PLBD2: variants seen among roughly 807,000 people sequenced by gnomAD.
The protein encoded by PLBD2 is phospholipase B domain containing 2, also known as putative aminopeptidase PLBD2.
Under a neutral mutation model 68.3 loss-of-function variants are expected in PLBD2, and 51 were observed. The ratio of observed to expected loss-of-function variants is 0.75; its 90% CI spans 0.60 to 0.94. The LOEUF (loss-of-function observed/expected upper bound fraction) is 0.94, where lower values mean the gene tolerates loss of function less well. Ranked by LOEUF, PLBD2 falls within the 40% of genes least tolerant of loss-of-function variation. PLBD2 has a pLI of 0.00. For synonymous variants in PLBD2, 314 were observed against 339.3 expected (o/e 0.93, Z 0.82); for missense variants, 729 against 792.2 (o/e 0.92, Z 0.96).
chr12:113,382,906 C>G (rs1957510029), intron 6 of PLBD2, among the ~76,000 whole-genome samples: 1 of 122,638 alleles, frequency 8.2e-6, no homozygotes, highest in African/African-American at 3.1e-5. Context: ...GGCTCTCTCT[C>G]TGTTGCCCAG....
chr12:113,360,817 G>A (rs919612392), intron 1 of PLBD2, among the ~76,000 whole-genome samples: 2 of 152,052 alleles, frequency 1.3e-5, no homozygotes, highest in Admixed American at 6.6e-5. Context: ...CACCATGCCC[G>A]GCTAATTTTT....
rs1957611068 is a variant in PLBD2, at chr12:113,391,615, G to A, written c.*2989G>A. On this transcript the variant is annotated 3_prime_UTR_variant, in exon 12 of 12. Coordinates refer to ENST00000280800, the MANE Select transcript of PLBD2 (RefSeq NM_173542.4). ...AGAAAATAAAGCAAGGTTGGGGTCT[G>A]GGGTTGGGAATTGACTTGTGGTTTT... The A allele has an allele frequency of 6.6e-6, 1 of 152,202 alleles. No individual in the cohort carries two copies. The highest frequency in any genetic ancestry group is 6.5e-5 in the Admixed American group (1 of 15,276). The allele number at this position is 152,202 out of a possible 1,614,324, so 9.4% of individuals were successfully genotyped here.
chr12:113,385,750 G>T (rs143607465), intron 9 of PLBD2, among the ~76,000 whole-genome samples: 1 of 152,116 alleles, frequency 6.6e-6, no homozygotes, highest in Non-Finnish European at 1.5e-5. Flanking sequence ...GGCAGGATTT[G>T]TTTTTTGTTT....
At position 113,364,320 on chromosome 12, in the gene PLBD2, A is replaced by C. The variant is rs1004754812; in HGVS notation, c.291-4796A>C. ...TTACTACTGGGGCTCGCGGCTGCAC[A>C]GCTTTTTTGGTTTTACGCAGTTTGT... On this transcript the variant is annotated intron_variant, in intron 1 of 11. Coordinates refer to ENST00000280800, the MANE Select transcript of PLBD2 (RefSeq NM_173542.4). Among the ~76,000 whole-genome samples, 13 of 152,156 alleles carry C rather than the reference A, an allele frequency of 8.5e-5. No homozygotes were observed. The South Asian group carries it at 1.0e-3, about 12-fold the overall frequency.
rs1957255600 is a variant in PLBD2 at position 113,358,642 on chromosome 12, C to G, written c.42C>G (p.Ala14=). Residue 14 remains alanine, a synonymous_variant, in exon 1 of 12, where the codon GCC becomes GCG. Coordinates refer to ENST00000280800, the MANE Select transcript of PLBD2 (RefSeq NM_173542.4). ...ACTGCTACCCCGGCAGCCACCTGGC[C>G]CGGGCGCTGACGCGGGCGCTGGCGC... ...QMYCYPGSHL[A]RALTRALALA... The G allele has an allele frequency of 6.8e-7, 1 of 1,464,388 alleles. No homozygotes were observed. The highest frequency in any genetic ancestry group is 1.5e-5 in the African/African-American group (1 of 67,704). 90.7% of individuals were successfully genotyped at this position (1,464,388 alleles called of 1,614,324 possible).
chr12:113,366,213 G>A (rs1449491265), intron 1 of PLBD2, among the ~76,000 whole-genome samples: 1 of 152,080 alleles, frequency 6.6e-6, no homozygotes, highest in East Asian at 1.9e-4. Flanking sequence ...AGACAGCCCT[G>A]GCCAAGCCTG....
chr12:113,372,845 C>T lies in PLBD2; in HGVS notation c.543+38C>T. The T allele has an allele frequency of 6.3e-7, 1 of 1,597,090 alleles. No homozygotes were observed. Reference sequence around the variant, plus strand: ...GCCACGCTTGGTGGGAGGGGGCTTCCAGCTGGCCAGCCATCCTGTCTCCTG... The same window carrying T: ...GCCACGCTTGGTGGGAGGGGGCTTCTAGCTGGCCAGCCATCCTGTCTCCTG... On this transcript the variant is annotated intron_variant, in intron 3 of 11. Coordinates refer to ENST00000280800, the MANE Select transcript of PLBD2 (RefSeq NM_173542.4). The surrounding 1 kb of genome is among the most constrained non-coding windows in gnomAD (Gnocchi z 4.2).
intron 1 of PLBD2, among the ~76,000 whole-genome samples, chr12:113,360,893 T>C (rs1957286562): frequency 6.6e-6 from 1 of 152,196 alleles, no homozygotes; most frequent in South Asian, 2.1e-4. Context: ...TGACTTCAGG[T>C]GATCTGCCCA....
At chr12:113,382,881 T>G (rs1286049684) in intron 6 of PLBD2, among the ~76,000 whole-genome samples, 50 of 141,682 alleles carry the variant, frequency 3.5e-4, no homozygotes, top group African/African-American at 1.3e-3. Flanking sequence ...TTTTTTTTTT[T>G]TTTTTTTTTA....
At chr12:113,364,882 C>T (rs756109572) in intron 1 of PLBD2, among the ~76,000 whole-genome samples, 1 of 152,106 alleles carries the variant, frequency 6.6e-6, no homozygotes, top group African/African-American at 2.4e-5. Context: ...ATGAGAAAAC[C>T]GAGGCCCCGA....
At position 113,361,705 on chromosome 12, in the gene PLBD2, A is replaced by G. The variant is rs1478153741; in HGVS notation, c.290+2815A>G. On this transcript the variant is annotated intron_variant, in intron 1 of 11. Coordinates refer to ENST00000280800, the MANE Select transcript of PLBD2 (RefSeq NM_173542.4). ...GCCAACACCCCCACACAGCCTGGAA[A>G]CATTTATGATTTGGTGCTTGGAGAT... Among the ~76,000 whole-genome samples the G allele has an allele frequency of 2.6e-5, 4 of 152,008 alleles. No homozygotes were observed. The South Asian group carries it at 6.2e-4, about 24-fold the overall frequency.
Position 113,359,682 on chromosome 12 carries a change from T to C in PLBD2, c.290+792T>C, listed in dbSNP as rs567739295. Among the ~76,000 whole-genome samples, 3 of 152,366 alleles carry C rather than the reference T, an allele frequency of 2.0e-5. No individual in the cohort carries two copies. The South Asian group carries it at 6.2e-4, about 32-fold the overall frequency. ...AGGATGTGCTCTAGTTGGGTGGTCATGTGCTGCAAGTTCTGTACAAGGGCT... is the reference window on the plus strand; with the variant it reads ...AGGATGTGCTCTAGTTGGGTGGTCACGTGCTGCAAGTTCTGTACAAGGGCT... On this transcript the variant is annotated intron_variant, in intron 1 of 11. Transcript: ENST00000280800.
chr12:113,361,027 C>T (rs1414316430), intron 1 of PLBD2, among the ~76,000 whole-genome samples: 1 of 152,124 alleles, frequency 6.6e-6, no homozygotes, highest in Non-Finnish European at 1.5e-5. Flanking sequence ...ATAAAGCGAG[C>T]CCCATTTTAT....
chr12:113,370,853 G>A (rs1193283496), intron 2 of PLBD2, among the ~76,000 whole-genome samples: 2 of 152,134 alleles, frequency 1.3e-5, no homozygotes, highest in African/African-American at 2.4e-5. Flanking sequence ...AGTAAACACC[G>A]ACATTTTCCA....
intron 1 of PLBD2, among the ~76,000 whole-genome samples, 171 bp downstream of exon 1, chr12:113,359,061 G>A (rs543610789): frequency 6.6e-6 from 1 of 152,370 alleles, no homozygotes; most frequent in Admixed American, 6.5e-5. Flanking sequence ...ACCCTGTTTG[G>A]GAGCTGGCTA....
intron 1 of PLBD2, among the ~76,000 whole-genome samples, chr12:113,367,748 CAA>C (rs563757349): frequency 3.6e-4 from 23 of 64,218 alleles, no homozygotes; most frequent in Admixed American, 5.2e-4. Flanking sequence ...GATGCTGTCT[CAA>C]AAAAAAAAAA....
chr12:113,359,293 AG>A, intron 1 of PLBD2: 1 of 175,942 alleles, frequency 5.7e-6, no homozygotes, highest in South Asian at 1.6e-4. Flanking sequence ...CCCAGGCCTG[AG>A]GGGTGATGAG....
intron 6 of PLBD2, among the ~76,000 whole-genome samples, chr12:113,383,116 G>A (rs1015532741): frequency 1.3e-5 from 2 of 152,152 alleles, no homozygotes; most frequent in African/African-American, 4.8e-5. Context: ...GAAGGGAGAG[G>A]AGGCAATCGG....
chr12:113,388,037 G>A (rs1419689497), intron 11 of PLBD2, 131 bp downstream of exon 11: 9 of 1,224,412 alleles, frequency 7.4e-6, no homozygotes, highest in Non-Finnish European at 9.2e-6. Context: ...TGTGGTTGGG[G>A]TCACAGTAAA....
Sources: gnomAD v4.1 joint callset for allele counts (sites outside exome capture counted in the v4.1 genomes callset) on GRCh38, gnomAD v4.1.1 for gene constraint, Gnocchi (gnomAD v3.1) non-coding constraint, MANE v1.5 for transcripts, NCBI Gene and HGNC (gene_info 2026-07-23, HGNC 2026-07-21) for gene names.